The following NCKAP5L variants were observed in gnomAD, a reference collection of about 807,000 sequenced individuals.
The protein encoded by NCKAP5L is nck-associated protein 5-like.
NCKAP5L carries 54 observed loss-of-function variants against 103.2 expected under a neutral mutation model. The ratio of observed to expected loss-of-function variants is 0.52; its 90% CI spans 0.42 to 0.66. The LOEUF (loss-of-function observed/expected upper bound fraction) is 0.66, where lower values mean the gene tolerates loss of function less well. NCKAP5L is among the 30% of genes least tolerant of loss of function. The pLI is 0.00. For missense variants in NCKAP5L, 1,733 were observed against 1,750.6 expected, an observed-to-expected ratio of 0.99 and a Z score of 0.18; for synonymous variants, 762 against 748.6, an observed-to-expected ratio of 1.02 and a Z score of -0.29.
In NCKAP5L at chr12:49,797,131, G is replaced by A; in HGVS notation, c.729C>T (p.Cys243=). The change falls in exon 8 of 13, where the codon TGC becomes TGT. Residue 243 remains cysteine, a synonymous_variant. Transcript: ENST00000335999. This position sits in a 1 kb window ranked among gnomAD's most constrained non-coding sequence, Gnocchi z 4.5. ...CCAGGTTGCCAGGGCCTAGCAGCAG[G>A]CAGGGCGCCCAGGGTGAGGGTTCAG... The part of the protein sequence containing the change: ...PQPEPSPWAP[C]LLLGPGNLGG... 1 of 1,603,732 alleles carries A rather than the reference G, an allele frequency of 6.2e-7. No individual in the cohort carries two copies. Among genetic ancestry groups the A allele is most frequent in the Non-Finnish European group, 8.5e-7 (1 of 1,175,584 alleles).
chr12:49,813,078 C>T (rs1946258644), intron 1 of NCKAP5L, among the ~76,000 whole-genome samples: 1 of 152,056 alleles, frequency 6.6e-6, no homozygotes, highest in Non-Finnish European at 1.5e-5. Context: ...ATATTTTTGG[C>T]CCACAGTTGG....
chr12:49,793,944 G>A, intron 8 of NCKAP5L, 48 bp from the exon 9 acceptor site: 1 of 1,416,590 alleles, frequency 7.1e-7, no homozygotes, highest in South Asian at 1.6e-5. Flanking sequence ...TGCCTGCCCA[G>A]ACATTCCAGC....
Position 49,803,950 on chromosome 12 carries a change from T to C in NCKAP5L, c.95A>G (p.Glu32Gly). ...CAGCTCCCGCAGTCGGTGCAGAAGC[T>C]CCTGGCAGGTGCCTGGCTCCATGCT... The part of the protein sequence containing the change: ...DGSMEPGTCQ[E>G]LLHRLRELEA... The change falls in exon 3 of 13, where the codon GAG (glutamate) becomes GGG (glycine). Residue 32 changes from glutamate (E) to glycine (G), a missense_variant. Transcript: ENST00000335999. The C allele has an allele frequency of 1.2e-6, 2 of 1,610,752 alleles. No homozygotes were observed. Among genetic ancestry groups the C allele is most frequent in the Non-Finnish European group, 8.5e-7 (1 of 1,179,930 alleles).
chr12:49,794,898 A>G lies in NCKAP5L; in HGVS notation c.2962T>C (p.Tyr988His). 4 of 1,523,168 alleles carry G rather than the reference A, an allele frequency of 2.6e-6. No homozygotes were observed. Among genetic ancestry groups the G allele is most frequent in the Non-Finnish European group, 3.5e-6 (4 of 1,135,400 alleles). The allele number at this position is 1,523,168 out of a possible 1,614,324, so 94.4% of individuals were successfully genotyped here. ...CGTGGCCGGGCCCGGCTGCTTAGGT[A>G]GGCCTTCTCCTCTTCCAGTGCCCGA... Reference protein sequence around the residue: ...LRRALEEEKAYLSSRARPRPG... With the variant: ...LRRALEEEKAHLSSRARPRPG... The change falls in exon 8 of 13, where the codon TAC becomes CAC. Residue 988 changes from tyrosine to histidine, a missense_variant. Transcript: ENST00000335999.
chr12:49,823,455 G>A (rs1022681233), intron 1 of NCKAP5L, among the ~76,000 whole-genome samples: 1 of 152,028 alleles, frequency 6.6e-6, no homozygotes, highest in Non-Finnish European at 1.5e-5. Context: ...GCCCCTCACA[G>A]CCCTGCCTAG....
Position 49,803,168 on chromosome 12 carries a change from G to T in NCKAP5L, c.124-3C>A. On this transcript the variant is annotated splice_region_variant and splice_polypyrimidine_tract_variant and intron_variant, in intron 3 of 12. Coordinates refer to ENST00000335999, the MANE Select transcript of NCKAP5L (RefSeq NM_001037806.4). ...TGGGCAAGTGCCGAGTTCTCTGCCTGCAGGAGTGAGGGAGGAAGAGGGCAA... is the reference window on the plus strand; with the variant it reads ...TGGGCAAGTGCCGAGTTCTCTGCCTTCAGGAGTGAGGGAGGAAGAGGGCAA... The T allele has an allele frequency of 6.2e-7, 1 of 1,613,774 alleles. No individual in the cohort carries two copies. Among genetic ancestry groups the T allele is most frequent in the Non-Finnish European group, 8.5e-7 (1 of 1,180,026 alleles).
intron 1 of NCKAP5L, among the ~76,000 whole-genome samples, chr12:49,819,750 C>G (rs980441244): frequency 6.6e-6 from 1 of 152,144 alleles, no homozygotes; most frequent in African/African-American, 2.4e-5. Context: ...GAAGGAAGTT[C>G]CATAAGAGGA....
intron 1 of NCKAP5L, among the ~76,000 whole-genome samples, chr12:49,811,778 T>G (rs1231149665): frequency 6.6e-6 from 1 of 152,114 alleles, no homozygotes. Flanking sequence ...TTTTATTCTC[T>G]TAAACAAACA....
chr12:49,799,312 A>ATT (rs59501745), intron 6 of NCKAP5L, among the ~76,000 whole-genome samples: 7 of 143,418 alleles, frequency 4.9e-5, no homozygotes, highest in African/African-American at 1.0e-4. Flanking sequence ...ATGAGATGAG[A>ATT]TTTTTTTTTT....
At chr12:49,803,355 C>T (rs1369111872) in intron 3 of NCKAP5L, among the ~76,000 whole-genome samples, 190 bp from the exon 4 acceptor site, 1 of 152,162 alleles carries the variant, frequency 6.6e-6, no homozygotes, top group African/African-American at 2.4e-5. Flanking sequence ...GAGGGCAGGG[C>T]TGACCTGGGA....
intron 1 of NCKAP5L, among the ~76,000 whole-genome samples, chr12:49,808,088 T>C (rs1215606283): frequency 3.3e-5 from 5 of 152,164 alleles, no homozygotes; most frequent in Admixed American, 6.5e-5. Flanking sequence ...GCGGACTCTC[T>C]ATGTGTGCAC....
chr12:49,801,835 C>T lies in NCKAP5L; in HGVS notation c.351+13G>A, dbSNP rs765107600. 61 of 1,613,538 alleles carry T rather than the reference C, an allele frequency of 3.8e-5. No homozygotes were observed. Among genetic ancestry groups the T allele is most frequent in the Middle Eastern group, 3.3e-4 (2 of 6,084 alleles). The stretch of plus-strand genomic sequence containing the variant: ...GGCAGTGCGATGGGAGTGAAAGGAG[C>T]GCAGATGCCTACCTGAGGGAGCGAG... On this transcript the variant is annotated intron_variant, in intron 6 of 12. Transcript: ENST00000335999.
In NCKAP5L at chr12:49,796,045, G is replaced by T. The variant is rs199597561; in HGVS notation, c.1815C>A (p.Pro605=). The change falls in exon 8 of 13, where the codon CCC becomes CCA. Residue 605 remains proline, a synonymous_variant. Transcript: ENST00000335999. ...PEVLRSPGVP[P]SPCLPESYPY... ...GGTACGATTCTGGGAGGCAAGGACT[G>T]GGGGGTACTCCAGGGCTTCTGAGGA... 5,604 of 1,567,728 alleles carry T rather than the reference G, an allele frequency of 3.6e-3. 15 individuals are homozygous for T. Among genetic ancestry groups the T allele is most frequent in the Non-Finnish European group, 4.4e-3 (5,094 of 1,160,228 alleles).
Position 49,797,361 on chromosome 12 carries a change from G to C in NCKAP5L, c.499C>G (p.Pro167Ala). The C allele has an allele frequency of 6.2e-7, 1 of 1,609,704 alleles. No homozygotes were observed. The highest frequency in any genetic ancestry group is 8.5e-7 in the Non-Finnish European group (1 of 1,178,742). The change falls in exon 8 of 13, where the codon CCA becomes GCA. Residue 167 changes from proline (P) to alanine (A), a missense_variant. Transcript: ENST00000335999. This position sits in a 1 kb window ranked among gnomAD's most constrained non-coding sequence, Gnocchi z 4.5. Reference protein sequence around the residue: ...CWEQQLRPGGPGPPAAPPPAL... With the variant: ...CWEQQLRPGGAGPPAAPPPAL... ...GGGGGTGGGGCGGCTGGGGGGCCTG[G>C]GCCTCCTGGCCTCAGCTGCTGCTCC... is the stretch of plus-strand genomic sequence containing the variant.
In NCKAP5L at chr12:49,802,938, A is replaced by C; in HGVS notation, c.231+20T>G. 1 of 1,612,210 alleles carries C rather than the reference A, an allele frequency of 6.2e-7. No homozygotes were observed. The highest frequency in any genetic ancestry group is 2.2e-5 in the East Asian group (1 of 44,798). On this transcript the variant is annotated intron_variant, in intron 5 of 12. Coordinates refer to ENST00000335999, the MANE Select transcript of NCKAP5L (RefSeq NM_001037806.4). ...TCTGCTGTGCCCAGGGCTTCTCCCC[A>C]GGGTGTCTGGGTTACTCACCTTCTG...
In NCKAP5L at chr12:49,799,665, G is replaced by A. The variant is rs567357925; in HGVS notation, c.352-1202C>T. Among the ~76,000 whole-genome samples, 6 of 152,190 alleles carry A rather than the reference G, an allele frequency of 3.9e-5. No homozygotes were observed. The East Asian group carries it at 1.2e-3, about 29-fold the overall frequency. On this transcript the variant is annotated intron_variant, in intron 6 of 12. Coordinates refer to ENST00000335999, the MANE Select transcript of NCKAP5L (RefSeq NM_001037806.4). ...TTGTGCTCAAAAGCCTCCTATGCCT[G>A]CCCATTGCCCATGGAAACAAGTGTG...
chr12:49,804,527 CAAGT>C, intron 2 of NCKAP5L: 1 of 152,398 alleles, frequency 6.6e-6, no homozygotes, highest in Non-Finnish European at 1.5e-5. Flanking sequence ...ACTAATTTAA[CAAGT>C]AAGACAACTA....
At position 49,793,828 on chromosome 12, in the gene NCKAP5L, G is replaced by T. The variant is rs761547348; in HGVS notation, c.3164C>A (p.Pro1055Gln). 3.1e-6 allele frequency: 5 copies of T among 1,591,764 alleles called. No homozygotes were observed. The highest frequency in any genetic ancestry group is 3.4e-6 in the Non-Finnish European group (4 of 1,169,602). Residue 1055 changes from proline (P) to glutamine (Q), a missense_variant, in exon 9 of 13, where the codon CCG becomes CAG. Physicochemically the swap from Pro to Gln is moderately conservative, Grantham distance 76. Transcript: ENST00000335999. ...EPKPEYGDFQPVSSDPKSPWP... is the reference protein window; with the variant it reads ...EPKPEYGDFQQVSSDPKSPWP... ...GGGGCTCTTGGGGTCAGAAGACACC[G>T]GCTGGAAATCCCCGTACTCAGGCTT...
rs542198566 is a variant in NCKAP5L, at chr12:49,822,232, C to A, written c.-99+6090G>T. 3.9e-5 allele frequency among the ~76,000 whole-genome samples: 6 copies of A among 152,244 alleles called. No individual in the cohort carries two copies. The South Asian group carries it at 1.2e-3, about 32-fold the overall frequency. Reference sequence around the variant, plus strand: ...TTGCCTTCACCTTGGACTTCCCAGCCTCTAGAGCTGTGAGAAATAAATTTC... The same window carrying A: ...TTGCCTTCACCTTGGACTTCCCAGCATCTAGAGCTGTGAGAAATAAATTTC... On this transcript the variant is annotated intron_variant, in intron 1 of 12. Coordinates refer to ENST00000335999, the MANE Select transcript of NCKAP5L (RefSeq NM_001037806.4).
Sources: allele counts gnomAD v4.1 joint callset (sites outside exome capture counted in the v4.1 genomes callset), GRCh38; gene constraint gnomAD v4.1.1; non-coding constraint Gnocchi (gnomAD v3.1); transcripts MANE v1.5; gene names NCBI Gene and HGNC (gene_info 2026-07-23, HGNC 2026-07-21).